Variants in PTBP2 observed in about 807,000 individuals in gnomAD.
The protein encoded by PTBP2 is polypyrimidine tract-binding protein 2.
Under a neutral mutation model 61.4 loss-of-function variants are expected in PTBP2, and 13 were observed. That is an observed-to-expected ratio of 0.21 (90% CI 0.14 to 0.34). The LOEUF (loss-of-function observed/expected upper bound fraction) is 0.34, where lower values mean the gene tolerates loss of function less well. Among genes scored for constraint, PTBP2 ranks in the 10% least tolerant of loss-of-function variants. PTBP2 has a pLI of 1.00. For missense variants in PTBP2, 405 were observed against 642.6 expected (o/e 0.63, Z 4.00); for synonymous variants, 215 against 218.5 (o/e 0.98, Z 0.14).
intron 7 of PTBP2, among the ~76,000 whole-genome samples, chr1:96,780,461 A>T (rs1467757482): frequency 6.6e-6 from 1 of 151,766 alleles, no homozygotes; most frequent in East Asian, 1.9e-4. Flanking sequence ...AGCACTGTTG[A>T]CCCAAATTGC....
At chr1:96,737,169 T>C (rs185104993) in intron 2 of PTBP2, among the ~76,000 whole-genome samples, 4 of 152,046 alleles carry the variant, frequency 2.6e-5, no homozygotes, top group Non-Finnish European at 4.4e-5. Context: ...TTAGTAGAGA[T>C]GGGTTTTACC....
chr1:96,747,603 C>T (rs1367369590), intron 2 of PTBP2, among the ~76,000 whole-genome samples: 1 of 151,890 alleles, frequency 6.6e-6, no homozygotes, highest in Non-Finnish European at 1.5e-5. Flanking sequence ...GTATATATAT[C>T]GTAAGGCAAA....
chr1:96,808,358 T>G (rs969831667), intron 11 of PTBP2, among the ~76,000 whole-genome samples: 1 of 152,004 alleles, frequency 6.6e-6, no homozygotes, highest in Non-Finnish European at 1.5e-5. Context: ...TCTGGTGAGG[T>G]CTCTCTTGGC....
chr1:96,721,948 G>T, intron 1 of PTBP2, 76 bp downstream of exon 1: 1 of 1,542,786 alleles, frequency 6.5e-7, no homozygotes. Context: ...CCGGGCCGGG[G>T]AGAAACCCTC....
At chr1:96,792,890 A>G (rs1234313999) in intron 8 of PTBP2, among the ~76,000 whole-genome samples, 1 of 152,154 alleles carries the variant, frequency 6.6e-6, no homozygotes, top group East Asian at 1.9e-4. Flanking sequence ...AAACTCATCT[A>G]CTGCAGACAT....
intron 5 of PTBP2, among the ~76,000 whole-genome samples, chr1:96,772,883 C>T (rs1357528098): frequency 3.3e-5 from 5 of 150,164 alleles, no homozygotes; most frequent in Non-Finnish European, 4.4e-5. Context: ...GAGGCTGAGG[C>T]GGGTGGATTA....
chr1:96,806,780 T>C, intron 10 of PTBP2, 86 bp from the exon 11 acceptor site: 1 of 949,072 alleles, frequency 1.1e-6, no homozygotes, highest in Non-Finnish European at 1.7e-6. Flanking sequence ...GAATGTTTCA[T>C]TGATATGTCA....
intron 13 of PTBP2, 44 bp downstream of exon 13, chr1:96,813,150 T>G: frequency 6.4e-7 from 1 of 1,557,818 alleles, no homozygotes; most frequent in Non-Finnish European, 8.7e-7. Context: ...CTGATAAAAT[T>G]TTTAAGTAGT....
chr1:96,819,497 G>C (rs1293268315), downstream of PTBP2: 2 of 151,730 alleles, frequency 1.3e-5, no homozygotes, highest in Non-Finnish European at 2.9e-5. Flanking sequence ...TTATTTCTCT[G>C]TTTTTCTTCC....
intron 2 of PTBP2, among the ~76,000 whole-genome samples, chr1:96,726,472 C>G (rs1454641447): frequency 6.7e-6 from 1 of 149,130 alleles, no homozygotes; most frequent in Non-Finnish European, 1.5e-5. Flanking sequence ...GAGTCTCGCC[C>G]GGTCTCCCAG....
intron 10 of PTBP2, 119 bp from the exon 11 acceptor site, chr1:96,806,747 A>G: frequency 1.3e-6 from 1 of 747,592 alleles, no homozygotes; most frequent in Non-Finnish European, 2.3e-6. Flanking sequence ...GAATGATGAG[A>G]TTGAGTGATC....
chr1:96,769,051 T>C (rs543120309), intron 3 of PTBP2, among the ~76,000 whole-genome samples: 2 of 152,150 alleles, frequency 1.3e-5, no homozygotes, highest in African/African-American at 4.8e-5. Context: ...AATTACAAGA[T>C]ACAGTCATAA....
At position 96,799,294 on chromosome 1, in the gene PTBP2, C is replaced by CTTTTTTTTTTTTTTTTTTTTTTTTTTT. The variant is rs373815292; in HGVS notation, c.905-5487_905-5486insTTTTTTTTTTTTTTTTTTTTTTTTTTT. Among the ~76,000 whole-genome samples, 71 of 92,158 alleles carry CTTTTTTTTTTTTTTTTTTTTTTTTTTT rather than the reference C, an allele frequency of 7.7e-4. 12 individuals carry two copies. The highest frequency in any genetic ancestry group is 1.4e-3 in the African/African-American group (28 of 20,654). The allele number at this position is 92,158 out of a possible 152,430, so 60.5% of individuals were successfully genotyped here. On this transcript the variant is annotated intron_variant, in intron 8 of 13. Coordinates refer to ENST00000674951, the MANE Select transcript of PTBP2 (RefSeq NM_021190.4). ...ATAGCAATCCTCAGAATAGATCAAG[C>CTTTTTTTTTTTTTTTTTTTTTTTTTTT]TTTTTTTTTTTTTTTTTTTGAGATG...
intron 3 of PTBP2, among the ~76,000 whole-genome samples, chr1:96,766,020 A>G (rs955968293): frequency 6.6e-6 from 1 of 152,178 alleles, no homozygotes; most frequent in Non-Finnish European, 1.5e-5. Flanking sequence ...ATCCTTGCCG[A>G]CACCCATTTA....
At chr1:96,751,813 G>A (rs1557709126) in intron 3 of PTBP2, among the ~76,000 whole-genome samples, 8 of 151,408 alleles carry the variant, frequency 5.3e-5, no homozygotes, top group Admixed American at 4.6e-4. Flanking sequence ...TATTTTTTGT[G>A]TTTGTGTGTC....
At chr1:96,778,132 T>G (rs1388105102) in intron 7 of PTBP2, among the ~76,000 whole-genome samples, 186 bp downstream of exon 7, 1 of 150,914 alleles carries the variant, frequency 6.6e-6, no homozygotes, top group Non-Finnish European at 1.5e-5. Flanking sequence ...AAATCATAGT[T>G]GTAGTTAACC....
chr1:96,761,497 G>A (rs985967680), intron 3 of PTBP2, among the ~76,000 whole-genome samples: 11 of 151,882 alleles, frequency 7.2e-5, no homozygotes, highest in Admixed American at 5.2e-4. Flanking sequence ...AAAACATTAC[G>A]GTAGTTCATT....
chr1:96,721,971 C>T, intron 1 of PTBP2, 99 bp downstream of exon 1: 12 of 1,498,152 alleles, frequency 8.0e-6, no homozygotes, highest in Non-Finnish European at 8.2e-6. Context: ...GCGGCCCCTC[C>T]CAGGGCTGGG....
At chr1:96,760,440 CTTTTTTTTTTT>C (rs989047792) in intron 3 of PTBP2, among the ~76,000 whole-genome samples, 4 of 83,084 alleles carry the variant, frequency 4.8e-5, no homozygotes, top group Non-Finnish European at 8.7e-5. Flanking sequence ...AAATAGTTTG[CTTTTTTTTTTT>C]TTTTTTTTTT....
Sources: gnomAD v4.1 joint callset for allele counts (sites outside exome capture counted in the v4.1 genomes callset) on GRCh38, gnomAD v4.1.1 for gene constraint, MANE v1.5 for transcripts, NCBI Gene and HGNC (gene_info 2026-07-23, HGNC 2026-07-21) for gene names.